The following SPMIP2 variants were observed in gnomAD, a reference collection of about 807,000 sequenced individuals.
SPMIP2 encodes the protein protein SPMIP2.
At chr4:158,981,249 C>G in the SPMIP2 span, among the ~76,000 whole-genome samples, 1 of 152,124 alleles carries the variant, frequency 6.6e-6, no homozygotes, top group Admixed American at 6.5e-5. Flanking sequence ...CTGAAAGTGA[C>G]AGGGAGAATG....
chr4:159,033,454 TA>T, the SPMIP2 span, among the ~76,000 whole-genome samples: 1 of 151,956 alleles, frequency 6.6e-6, no homozygotes, highest in Admixed American at 6.6e-5. Flanking sequence ...GGATGCAAAT[TA>T]AAAAAAATTA....
chr4:158,944,368 G>A, the SPMIP2 span, among the ~76,000 whole-genome samples: 465 of 152,050 alleles, frequency 3.1e-3, 1 homozygote, highest in African/African-American at 0.01. Context: ...CTTATTTGAC[G>A]TCTTATTTCA....
the SPMIP2 span, among the ~76,000 whole-genome samples, chr4:158,908,569 A>G: frequency 6.6e-6 from 1 of 152,256 alleles, no homozygotes; most frequent in Non-Finnish European, 1.5e-5. Flanking sequence ...TGCGTTTCCA[A>G]TGGTAACATA....
chr4:158,995,964 G>A, the SPMIP2 span, among the ~76,000 whole-genome samples: 1 of 151,544 alleles, frequency 6.6e-6, no homozygotes, highest in Admixed American at 6.6e-5. Context: ...TTTGTGTGCT[G>A]AGGTTTCCTA....
chr4:158,975,295 T>C, the SPMIP2 span, among the ~76,000 whole-genome samples: 2 of 152,154 alleles, frequency 1.3e-5, no homozygotes, highest in East Asian at 1.9e-4. Flanking sequence ...AGAAACTGTT[T>C]AGTTTAATTA....
chr4:159,078,659 T>G, the SPMIP2 span, among the ~76,000 whole-genome samples: 1 of 152,150 alleles, frequency 6.6e-6, no homozygotes, highest in Non-Finnish European at 1.5e-5. Flanking sequence ...GGGTGGATTG[T>G]AAGGAAAGAC....
At chr4:158,995,270 G>C in the SPMIP2 span, among the ~76,000 whole-genome samples, 1 of 152,236 alleles carries the variant, frequency 6.6e-6, no homozygotes, top group South Asian at 2.1e-4. Context: ...TGGACAACCT[G>C]AAAGCAGGGG....
At chr4:159,044,070 T>C in the SPMIP2 span, among the ~76,000 whole-genome samples, 15 of 152,192 alleles carry the variant, frequency 9.9e-5, no homozygotes, top group Non-Finnish European at 2.1e-4. Context: ...AATTCAGCAG[T>C]ATTTCAATGA....
At chr4:158,990,695 T>C in the SPMIP2 span, among the ~76,000 whole-genome samples, 2 of 151,962 alleles carry the variant, frequency 1.3e-5, no homozygotes. Flanking sequence ...TGAGAACACA[T>C]GGACACAGGC....
At chr4:159,031,432 T>C in the SPMIP2 span, among the ~76,000 whole-genome samples, 1 of 152,246 alleles carries the variant, frequency 6.6e-6, no homozygotes, top group African/African-American at 2.4e-5. Context: ...ATCCAGTTTC[T>C]GCAACAAGTA....
At chr4:158,900,496 C>G in the SPMIP2 span, among the ~76,000 whole-genome samples, 1 of 152,140 alleles carries the variant, frequency 6.6e-6, no homozygotes, top group Admixed American at 6.5e-5. Context: ...TCTTTAAGAA[C>G]TTGCTTTATG....
the SPMIP2 span, among the ~76,000 whole-genome samples, chr4:159,054,504 C>T: frequency 6.6e-6 from 1 of 152,128 alleles, no homozygotes; most frequent in Non-Finnish European, 1.5e-5. Context: ...CTCCCCACCA[C>T]ACTGGAAGCC....
chr4:159,077,841 A>T, the SPMIP2 span, among the ~76,000 whole-genome samples: 1 of 152,216 alleles, frequency 6.6e-6, no homozygotes, highest in African/African-American at 2.4e-5. Context: ...TTTCAATTTA[A>T]TGGAACAAAG....
the SPMIP2 span, among the ~76,000 whole-genome samples, chr4:159,045,773 G>T: frequency 6.6e-6 from 1 of 152,182 alleles, no homozygotes; most frequent in Non-Finnish European, 1.5e-5. Context: ...GCTTAGCGAG[G>T]TGCCTCTGGC....
chr4:158,928,818 C>T, the SPMIP2 span, among the ~76,000 whole-genome samples: 8,621 of 152,050 alleles, frequency 0.057, 286 homozygotes, highest in African/African-American at 0.091. Context: ...ACGAGCCCAC[C>T]GGGAGGAACA....
chr4:159,000,432 T>A, the SPMIP2 span, among the ~76,000 whole-genome samples: 1 of 152,112 alleles, frequency 6.6e-6, no homozygotes, highest in African/African-American at 2.4e-5. Context: ...GTTCCCAGAA[T>A]TTGATCTAAA....
the SPMIP2 span, among the ~76,000 whole-genome samples, chr4:158,995,128 G>C: frequency 1.3e-5 from 2 of 152,064 alleles, no homozygotes; most frequent in Non-Finnish European, 2.9e-5. Flanking sequence ...GTGTTGCCCA[G>C]ACTGATCTTG....
the SPMIP2 span, among the ~76,000 whole-genome samples, chr4:158,976,451 A>G: frequency 6.6e-6 from 1 of 152,034 alleles, no homozygotes; most frequent in Non-Finnish European, 1.5e-5. Flanking sequence ...ATTATTTTGA[A>G]TACGTTTCAT....
the SPMIP2 span, among the ~76,000 whole-genome samples, chr4:158,901,454 C>T: frequency 6.6e-6 from 1 of 151,988 alleles, no homozygotes; most frequent in East Asian, 1.9e-4. Context: ...GTGAATCTGA[C>T]CATTATGTGT....
Sources: gnomAD v4.1 joint callset for allele counts (sites outside exome capture counted in the v4.1 genomes callset) on GRCh38, gnomAD v4.1.1 for gene constraint, MANE v1.5 for transcripts, NCBI Gene and HGNC (gene_info 2026-07-23, HGNC 2026-07-21) for gene names.